Variants in PTPRN2 observed in about 807,000 individuals in gnomAD.
PTPRN2 encodes the protein receptor-type tyrosine-protein phosphatase N2.
PTPRN2 carries 74 observed loss-of-function variants against 118.8 expected under a neutral mutation model. The observed-to-expected ratio is 0.62, with a 90% CI of 0.52 to 0.76. PTPRN2 has a LOEUF of 0.76. PTPRN2 is among the 30% of genes least tolerant of loss of function. The pLI is 0.00. For missense variants in PTPRN2, 1,481 were observed against 1,394.4 expected (o/e 1.06, Z -0.99); for synonymous variants, 641 against 608.0 (o/e 1.05, Z -0.80).
chr7:157,656,884 C>T (rs1455478964), intron 13 of PTPRN2, among the ~76,000 whole-genome samples: 2 of 141,372 alleles, frequency 1.4e-5, no homozygotes, highest in East Asian at 4.3e-4. Flanking sequence ...CACACATACA[C>T]CACACACACC....
rs367780852 is a variant in PTPRN2 at position 157,879,052 on chromosome 7, C to T, written c.1788+19621G>A. Reference sequence around the variant, plus strand: ...ATACCGTGCACCCACAATTACTCACCGAGGAGCTCTCTCAGATTCCATGGG... The same window carrying T: ...ATACCGTGCACCCACAATTACTCACTGAGGAGCTCTCTCAGATTCCATGGG... On this transcript the variant is annotated intron_variant, in intron 12 of 22. Transcript: ENST00000389418. Among the ~76,000 whole-genome samples, 73 of 122,468 alleles carry T rather than the reference C, an allele frequency of 6.0e-4. 1 individual carries two copies. The highest frequency in any genetic ancestry group is 1.4e-3 in the African/African-American group (43 of 30,936). 80.3% of individuals were successfully genotyped at this position (122,468 alleles called of 152,430 possible).
rs145685210 is a variant in PTPRN2, at chr7:158,300,581, G to A, written c.277+16238C>T. 1.3e-3 allele frequency among the ~76,000 whole-genome samples: 204 copies of A among 151,942 alleles called. 1 individual carries two copies. Among genetic ancestry groups the A allele is most frequent in the African/African-American group, 4.7e-3 (197 of 41,500 alleles). ...AGCGCCTCGCCCGCCACCCAGTCCCGCAGCGCCTCGCCCCCCACGTGTCTG... is the reference window on the plus strand; with the variant it reads ...AGCGCCTCGCCCGCCACCCAGTCCCACAGCGCCTCGCCCCCCACGTGTCTG... On this transcript the variant is annotated intron_variant, in intron 3 of 22. Transcript: ENST00000389418.
chr7:158,106,455 C>T (rs1815690360), intron 10 of PTPRN2, among the ~76,000 whole-genome samples: 1 of 152,216 alleles, frequency 6.6e-6, no homozygotes, highest in African/African-American at 2.4e-5. Context: ...CAGCTTCTTT[C>T]TTAGCTCCCT....
intron 2 of PTPRN2, among the ~76,000 whole-genome samples, chr7:158,326,556 G>C (rs972022756): frequency 6.6e-6 from 1 of 152,214 alleles, no homozygotes; most frequent in African/African-American, 2.4e-5. Context: ...ACCACATAAT[G>C]CATGCACATT....
At chr7:158,491,983 C>A (rs936702467) in intron 1 of PTPRN2, among the ~76,000 whole-genome samples, 2 of 152,172 alleles carry the variant, frequency 1.3e-5, no homozygotes, top group East Asian at 3.9e-4. Context: ...AGACACCACT[C>A]CCCACAAAAG....
intron 1 of PTPRN2, among the ~76,000 whole-genome samples, chr7:158,497,500 C>G (rs1324851319): frequency 6.6e-6 from 1 of 152,082 alleles, no homozygotes; most frequent in Non-Finnish European, 1.5e-5. Flanking sequence ...GGTTGACACA[C>G]ATGGCTGCAT....
In PTPRN2 at chr7:158,544,771, T is replaced by C. The variant is rs10270958; in HGVS notation, c.112+42787A>G. Among the ~76,000 whole-genome samples, 38,106 of 152,046 alleles carry C rather than the reference T, an allele frequency of 0.25. 5,055 individuals carry two copies. The highest frequency in any genetic ancestry group is 0.46 in the East Asian group (2,359 of 5,176). On this transcript the variant is annotated intron_variant, in intron 1 of 22. Coordinates refer to ENST00000389418, the MANE Select transcript of PTPRN2 (RefSeq NM_002847.5). This position sits in a 1 kb window ranked among gnomAD's most constrained non-coding sequence, Gnocchi z 4.2. ...AACCCGGGGATACCAAAAGATTGGG[T>C]GCCCCTGCTCTAGAGTGAACACAGA...
Position 157,974,586 on chromosome 7 carries a change from G to A in PTPRN2, c.1724-75849C>T, listed in dbSNP as rs911135794. Reference sequence around the variant, plus strand: ...GGACATCTCTGGTCTCAGCCGGCAGGGGTGGGTGGGACCTCAGACCTCAGC... The same window carrying A: ...GGACATCTCTGGTCTCAGCCGGCAGAGGTGGGTGGGACCTCAGACCTCAGC... On this transcript the variant is annotated intron_variant, in intron 11 of 22. Transcript: ENST00000389418. This position sits in a 1 kb window ranked among gnomAD's most constrained non-coding sequence, Gnocchi z 4.0. Among the ~76,000 whole-genome samples, 2 of 152,066 alleles carry A rather than the reference G, an allele frequency of 1.3e-5. No individual in the cohort carries two copies. Among genetic ancestry groups the A allele is most frequent in the Non-Finnish European group, 2.9e-5 (2 of 68,006 alleles).
chr7:158,050,997 G>A (rs995027258), intron 11 of PTPRN2, among the ~76,000 whole-genome samples: 1 of 152,228 alleles, frequency 6.6e-6, no homozygotes, highest in Non-Finnish European at 1.5e-5. Context: ...CGCCATGGCG[G>A]TGGAGCCACC....
intron 12 of PTPRN2, chr7:157,865,405 G>A (rs1272593488): frequency 6.6e-6 from 1 of 152,202 alleles, no homozygotes; most frequent in Non-Finnish European, 1.5e-5. Context: ...GGGTCCTGGA[G>A]GTGGGTGACC....
intron 13 of PTPRN2, among the ~76,000 whole-genome samples, chr7:157,656,970 C>CA (rs1795515475): frequency 8.3e-6 from 1 of 120,760 alleles, no homozygotes; most frequent in South Asian, 2.8e-4. Context: ...CACACATACA[C>CA]CACACACACC....
In PTPRN2 at chr7:158,329,224, C is replaced by A. The variant is rs1586284824; in HGVS notation, c.164-12292G>T. 2.6e-5 allele frequency among the ~76,000 whole-genome samples: 4 copies of A among 152,138 alleles called. No homozygotes were observed. The South Asian group carries it at 8.3e-4, about 32-fold the overall frequency. On this transcript the variant is annotated intron_variant, in intron 2 of 22. Transcript: ENST00000389418. ...AGGGGGAAGCGTGGCGGGTGGGAGGCCCTTCTGGGAGGTGAGGAGCAGGCT... is the reference window on the plus strand; with the variant it reads ...AGGGGGAAGCGTGGCGGGTGGGAGGACCTTCTGGGAGGTGAGGAGCAGGCT...
At chr7:157,776,529 TC>T (rs1803283637) in intron 12 of PTPRN2, among the ~76,000 whole-genome samples, 1 of 38,984 alleles carries the variant, frequency 2.6e-5, no homozygotes, top group Non-Finnish European at 5.4e-5. Context: ...CTCCCTCTCC[TC>T]TCTCTCCTTC....
At chr7:157,889,670 C>T (rs1163312276) in intron 12 of PTPRN2, among the ~76,000 whole-genome samples, 2 of 152,240 alleles carry the variant, frequency 1.3e-5, no homozygotes, top group Non-Finnish European at 2.9e-5. Flanking sequence ...TTCACGGCTC[C>T]TCCCATAACC....
intron 12 of PTPRN2, among the ~76,000 whole-genome samples, chr7:157,783,312 G>A (rs534948428): frequency 4.6e-5 from 7 of 151,886 alleles, no homozygotes; most frequent in South Asian, 4.2e-4. Context: ...TGTTACTCAC[G>A]TTCCCATCTG....
intron 12 of PTPRN2, among the ~76,000 whole-genome samples, chr7:157,846,933 C>T (rs1166346231): frequency 6.7e-6 from 1 of 150,332 alleles, no homozygotes; most frequent in Non-Finnish European, 1.5e-5. Flanking sequence ...TTACAGAGCC[C>T]TCTCTCACTC....
intron 14 of PTPRN2, among the ~76,000 whole-genome samples, chr7:157,648,846 C>T (rs1193176937): frequency 2.3e-5 from 3 of 130,390 alleles, no homozygotes; most frequent in Non-Finnish European, 3.2e-5. Context: ...TCGGACCCAT[C>T]CAGCGTGCAC....
intron 2 of PTPRN2, among the ~76,000 whole-genome samples, chr7:158,325,568 A>G (rs961241882): frequency 5.9e-5 from 9 of 152,332 alleles, no homozygotes; most frequent in African/African-American, 1.9e-4. Context: ...GTGAAAACTG[A>G]TTTATCTCAG....
chr7:158,347,587 G>T (rs1245297188), intron 2 of PTPRN2, among the ~76,000 whole-genome samples: 1 of 152,094 alleles, frequency 6.6e-6, no homozygotes, highest in African/African-American at 2.4e-5. Flanking sequence ...GCTATTCAGG[G>T]TTTTATGTGG....
Sources: gnomAD v4.1 joint callset for allele counts (sites outside exome capture counted in the v4.1 genomes callset) on GRCh38, gnomAD v4.1.1 for gene constraint, Gnocchi (gnomAD v3.1) non-coding constraint, MANE v1.5 for transcripts, NCBI Gene and HGNC (gene_info 2026-07-23, HGNC 2026-07-21) for gene names.